DNAJC1: variants seen among roughly 807,000 people sequenced by gnomAD.
DNAJC1 encodes the protein dnaJ homolog subfamily C member 1.
A neutral mutation model predicts 76.6 loss-of-function variants in DNAJC1; 58 were observed. The ratio of observed to expected loss-of-function variants is 0.76; its 90% CI spans 0.61 to 0.94. The LOEUF (loss-of-function observed/expected upper bound fraction) is 0.94, where lower values mean the gene tolerates loss of function less well. Ranked by LOEUF, DNAJC1 falls within the 40% of genes least tolerant of loss-of-function variation. The probability of loss-of-function intolerance (pLI) is 0.00; values close to 1 mark genes in which losing one functional copy is unlikely to be tolerated. For missense variants in DNAJC1, 689 were observed against 677.3 expected (o/e 1.02, Z -0.19); for synonymous variants, 258 against 267.9 (o/e 0.96, Z 0.36).
chr10:21,944,985 A>C (rs1837482349), intron 1 of DNAJC1, among the ~76,000 whole-genome samples: 1 of 152,360 alleles, frequency 6.6e-6, no homozygotes, highest in African/African-American at 2.4e-5. Flanking sequence ...GAAATAGTCA[A>C]GTGGAACTGC....
chr10:21,810,096 C>A lies in DNAJC1; in HGVS notation c.979-3997G>T, dbSNP rs185941890. Among the ~76,000 whole-genome samples the A allele has an allele frequency of 2.4e-4, 36 of 152,232 alleles. No individual in the cohort carries two copies. In the East Asian group the frequency reaches 6.2e-3, roughly 26 times the overall value. On this transcript the variant is annotated intron_variant, in intron 8 of 11. Coordinates refer to ENST00000376980, the MANE Select transcript of DNAJC1 (RefSeq NM_022365.4). ...TCCTTACAGGCCCTAGCTTTAAATA[C>A]AGTCACATTGGGAGTTAGGGCTTCA... is the stretch of plus-strand genomic sequence containing the variant.
At chr10:21,814,052 T>A (rs1835035147) in intron 8 of DNAJC1, among the ~76,000 whole-genome samples, 2 of 152,206 alleles carry the variant, frequency 1.3e-5, no homozygotes, top group Non-Finnish European at 2.9e-5. Context: ...TTGACAGTTT[T>A]GGTGATGAGG....
At chr10:21,825,606 C>A (rs1389125808) in intron 8 of DNAJC1, among the ~76,000 whole-genome samples, 1 of 152,196 alleles carries the variant, frequency 6.6e-6, no homozygotes, top group South Asian at 2.1e-4. Context: ...AAACCACCAA[C>A]CTATTTTAAA....
chr10:21,766,276 C>A lies in DNAJC1; in HGVS notation c.1132G>T (p.Val378Leu), dbSNP rs761162367. 6.2e-7 allele frequency: 1 copy of A among 1,613,768 alleles called. No individual in the cohort carries two copies. Among genetic ancestry groups the A allele is most frequent in the Non-Finnish European group, 8.5e-7 (1 of 1,179,688 alleles). ...ATGAACTCACCTGGGGAGCAGGTCA[C>A]TGAATCCTTCAGTTGCTTGGCTTTG... ...TTKAKQLKDS[V>L]TCSPGMVRLS... The change falls in exon 10 of 12, where the codon GTG becomes TTG. Residue 378 changes from valine to leucine, a missense_variant. Coordinates refer to ENST00000376980, the MANE Select transcript of DNAJC1 (RefSeq NM_022365.4).
At chr10:21,943,637 T>C (rs1253920819) in intron 1 of DNAJC1, among the ~76,000 whole-genome samples, 1 of 152,200 alleles carries the variant, frequency 6.6e-6, no homozygotes. Flanking sequence ...CCAGTTGCCT[T>C]TACAGGGCTT....
At chr10:21,761,605 A>G (rs1055341337) in intron 10 of DNAJC1, among the ~76,000 whole-genome samples, 1 of 152,104 alleles carries the variant, frequency 6.6e-6, no homozygotes, top group Non-Finnish European at 1.5e-5. Flanking sequence ...AACTACAAAA[A>G]GGAATACAAT....
intron 1 of DNAJC1, among the ~76,000 whole-genome samples, chr10:21,942,331 C>A (rs1837427822): frequency 6.6e-6 from 1 of 152,138 alleles, no homozygotes; most frequent in Admixed American, 6.5e-5. Flanking sequence ...AATTCATTCA[C>A]ATAACAGCAA....
chr10:21,852,983 A>G (rs912535417), intron 8 of DNAJC1, among the ~76,000 whole-genome samples: 26 of 152,170 alleles, frequency 1.7e-4, no homozygotes, highest in African/African-American at 2.4e-5. Context: ...CAATTATAAA[A>G]TATCTTTCCT....
chr10:21,779,262 C>T (rs761051462), intron 9 of DNAJC1, among the ~76,000 whole-genome samples: 6 of 152,252 alleles, frequency 3.9e-5, no homozygotes, highest in South Asian at 4.2e-4. Flanking sequence ...TCTCCCAGAA[C>T]GGAGTTTGAG....
At chr10:21,829,393 T>G (rs1429454619) in intron 8 of DNAJC1, among the ~76,000 whole-genome samples, 1 of 152,194 alleles carries the variant, frequency 6.6e-6, no homozygotes, top group African/African-American at 2.4e-5. Context: ...TCTTTTTGTA[T>G]TTTTAGTAGA....
At position 21,756,766 on chromosome 10, in the gene DNAJC1, A is replaced by T. The variant is rs770421972; in HGVS notation, c.1597-11T>A. 4 of 1,611,316 alleles carry T rather than the reference A, an allele frequency of 2.5e-6. No homozygotes were observed. Among genetic ancestry groups the T allele is most frequent in the Admixed American group, 3.3e-5 (2 of 59,984 alleles). The stretch of plus-strand genomic sequence containing the variant: ...AGCGATACAGTCTTCCTGTAGGAAG[A>T]AAAAAAGAGAGGTGAGAACAGTCAC... On this transcript the variant is annotated splice_polypyrimidine_tract_variant and intron_variant, in intron 11 of 11. Coordinates refer to ENST00000376980, the MANE Select transcript of DNAJC1 (RefSeq NM_022365.4).
intron 9 of DNAJC1, chr10:21,785,381 C>G (rs983458398): frequency 2.0e-5 from 3 of 152,214 alleles, no homozygotes; most frequent in Admixed American, 6.5e-5. Flanking sequence ...TCTCGTTCCT[C>G]TCTCTCAACT....
chr10:21,993,337 C>T (rs926880315), intron 1 of DNAJC1, among the ~76,000 whole-genome samples: 4 of 152,182 alleles, frequency 2.6e-5, no homozygotes, highest in Admixed American at 6.5e-5. Flanking sequence ...TACCATGGCA[C>T]GTTACAGAAA....
At chr10:21,938,342 C>T (rs1837347863) in intron 1 of DNAJC1, among the ~76,000 whole-genome samples, 1 of 150,942 alleles carries the variant, frequency 6.6e-6, no homozygotes, top group African/African-American at 2.4e-5. Context: ...GTTATAAACA[C>T]ACTTAAAAAA....
intron 8 of DNAJC1, among the ~76,000 whole-genome samples, chr10:21,867,506 A>G (rs1836021109): frequency 6.6e-6 from 1 of 152,102 alleles, no homozygotes; most frequent in Non-Finnish European, 1.5e-5. Context: ...CCCTGAGAGG[A>G]ATAATACAAG....
rs555574110 is a variant in DNAJC1 at position 21,887,385 on chromosome 10, C to T, written c.821-4946G>A. Among the ~76,000 whole-genome samples, 12 of 152,218 alleles carry T rather than the reference C, an allele frequency of 7.9e-5. No homozygotes were observed. In the South Asian group the frequency reaches 1.5e-3, roughly 18 times the overall value. The stretch of plus-strand genomic sequence containing the variant: ...ACATTCTTCACAGAACTAGACAAAA[C>T]TATTTTAAAATTCATATGAAATGAA... On this transcript the variant is annotated intron_variant, in intron 7 of 11. Coordinates refer to ENST00000376980, the MANE Select transcript of DNAJC1 (RefSeq NM_022365.4).
intron 1 of DNAJC1, among the ~76,000 whole-genome samples, chr10:21,982,231 A>G (rs1838169986): frequency 6.6e-6 from 1 of 152,204 alleles, no homozygotes; most frequent in Non-Finnish European, 1.5e-5. Flanking sequence ...TTGACGCCTC[A>G]CATCATATAT....
chr10:21,934,087 C>T (rs1837272747), intron 1 of DNAJC1, among the ~76,000 whole-genome samples: 1 of 151,992 alleles, frequency 6.6e-6, no homozygotes, highest in African/African-American at 2.4e-5. Context: ...TAAAAGATGA[C>T]AGTTCCATGC....
At chr10:21,835,547 C>T (rs1835436003) in intron 8 of DNAJC1, among the ~76,000 whole-genome samples, 1 of 152,070 alleles carries the variant, frequency 6.6e-6, no homozygotes, top group South Asian at 2.1e-4. Context: ...GGAGGAAATT[C>T]GAACCAACGG....
Sources: allele counts gnomAD v4.1 joint callset (sites outside exome capture counted in the v4.1 genomes callset), GRCh38; gene constraint gnomAD v4.1.1; transcripts MANE v1.5; gene names NCBI Gene and HGNC (gene_info 2026-07-23, HGNC 2026-07-21).